Variants in CREBBP observed in about 807,000 individuals in gnomAD.
CREBBP encodes CREB-binding protein.
CREBBP carries 19 observed loss-of-function variants against 265.0 expected under a neutral mutation model. The observed-to-expected ratio is 0.07, with a 90% CI of 0.05 to 0.11. The LOEUF (loss-of-function observed/expected upper bound fraction) is 0.11, where lower values mean the gene tolerates loss of function less well. Ranked by LOEUF, CREBBP falls within the 10% of genes least tolerant of loss-of-function variation. CREBBP has a pLI of 1.00. For missense variants in CREBBP, 2,525 were observed against 3,219.0 expected, an observed-to-expected ratio of 0.78 and a Z score of 5.22; for synonymous variants, 1,457 against 1,223.7, an observed-to-expected ratio of 1.19 and a Z score of -3.98.
At chr16:3,878,377 A>G (rs2055446791) in intron 1 of CREBBP, among the ~76,000 whole-genome samples, 1 of 152,258 alleles carries the variant, frequency 6.6e-6, no homozygotes, top group Admixed American at 6.5e-5. Context: ...AGCTAAAAAG[A>G]AAAGCATTAG....
chr16:3,807,585 C>T (rs768061412), intron 3 of CREBBP, among the ~76,000 whole-genome samples: 1 of 152,088 alleles, frequency 6.6e-6, no homozygotes, highest in African/African-American at 2.4e-5. Context: ...GAAGCATTCC[C>T]GGCAGGCTCA....
chr16:3,763,185 G>A (rs1033194949), intron 16 of CREBBP, among the ~76,000 whole-genome samples: 9 of 128,690 alleles, frequency 7.0e-5, no homozygotes, highest in Non-Finnish European at 1.2e-4. Context: ...TTTTTTTTTT[G>A]AGACGAGGTC....
chr16:3,766,294 C>T (rs1050361136), intron 16 of CREBBP, among the ~76,000 whole-genome samples: 11 of 152,326 alleles, frequency 7.2e-5, no homozygotes, highest in African/African-American at 2.2e-4. Context: ...AGAATATCCA[C>T]AATCAGCTGA....
chr16:3,796,161 C>CA (rs1175064727), intron 3 of CREBBP, among the ~76,000 whole-genome samples: 1 of 152,124 alleles, frequency 6.6e-6, no homozygotes, highest in East Asian at 1.9e-4. Context: ...AAAAATTAGG[C>CA]AAAAAATTTA....
At chr16:3,800,182 A>G (rs2053684343) in intron 3 of CREBBP, among the ~76,000 whole-genome samples, 1 of 152,176 alleles carries the variant, frequency 6.6e-6, no homozygotes, top group Non-Finnish European at 1.5e-5. Context: ...GAAGTAGTGC[A>G]ATCATGGCTC....
chr16:3,801,992 T>C (rs142245581), intron 3 of CREBBP, among the ~76,000 whole-genome samples: 118 of 152,232 alleles, frequency 7.8e-4, no homozygotes, highest in Admixed American at 4.4e-3. Flanking sequence ...TTCACTCGGT[T>C]TAGCCACAGG....
At chr16:3,763,911 C>G (rs1487117063) in intron 16 of CREBBP, among the ~76,000 whole-genome samples, 2 of 142,422 alleles carry the variant, frequency 1.4e-5, no homozygotes, top group African/African-American at 5.3e-5. Context: ...GTGGCATAAT[C>G]TCGGCTCACT....
Position 3,758,583 on chromosome 16 carries a change from C to T in CREBBP, c.3369+271G>A, listed in dbSNP as rs3025692. On this transcript the variant is annotated intron_variant, in intron 17 of 30. Transcript: ENST00000262367. ...CACAAATTCTTTCAGACAAAAGTGA[C>T]ACAAGGCCCCAAATATAAAGTGAAG... Among the ~76,000 whole-genome samples the T allele has an allele frequency of 0.022, 3,335 of 152,262 alleles. 121 individuals carry two copies. Among genetic ancestry groups the T allele is most frequent in the African/African-American group, 0.075 (3,102 of 41,528 alleles).
intron 21 of CREBBP, among the ~76,000 whole-genome samples, chr16:3,748,743 T>C (rs576592322): frequency 3.7e-4 from 57 of 152,294 alleles, no homozygotes; most frequent in African/African-American, 6.7e-4. Flanking sequence ...GAACTTTACA[T>C]TGGGGACCTG....
chr16:3,833,912 T>C (rs906485514), intron 2 of CREBBP, among the ~76,000 whole-genome samples: 1 of 152,102 alleles, frequency 6.6e-6, no homozygotes, highest in African/African-American at 2.4e-5. Context: ...CAAAAATATA[T>C]AAAGAACTCT....
intron 3 of CREBBP, among the ~76,000 whole-genome samples, chr16:3,802,626 A>AT (rs1281341022): frequency 6.6e-6 from 1 of 152,098 alleles, no homozygotes; most frequent in Non-Finnish European, 1.5e-5. Context: ...AAAATAAGTC[A>AT]TTTTTTACTG....
intron 1 of CREBBP, among the ~76,000 whole-genome samples, chr16:3,876,535 G>A (rs1567383074): frequency 6.6e-6 from 1 of 150,876 alleles, no homozygotes; most frequent in Non-Finnish European, 1.5e-5. Flanking sequence ...ATTTTAACTT[G>A]GACATATTAA....
At chr16:3,734,954 C>T (rs535087181) in intron 28 of CREBBP, among the ~76,000 whole-genome samples, 8 of 152,324 alleles carry the variant, frequency 5.3e-5, no homozygotes, top group Middle Eastern at 6.8e-3. Flanking sequence ...CTCCATTCAC[C>T]GCTTTTCCTC....
Position 3,878,203 on chromosome 16 carries a change from C to T in CREBBP, c.85+1629G>A, listed in dbSNP as rs369021796. On this transcript the variant is annotated intron_variant, in intron 1 of 30. Transcript: ENST00000262367. ...ACAAGCTTCAAAGCTGAACTCGCCA[C>T]GTATGACCTACGTCTCACAGAACTG... 2.6e-4 allele frequency among the ~76,000 whole-genome samples: 39 copies of T among 152,348 alleles called. No individual in the cohort carries two copies. The South Asian group carries it at 5.8e-3, about 23-fold the overall frequency.
chr16:3,830,979 G>A (rs920764450), intron 2 of CREBBP, among the ~76,000 whole-genome samples: 1 of 152,156 alleles, frequency 6.6e-6, no homozygotes, highest in Admixed American at 6.5e-5. Context: ...AGTAGAGACA[G>A]GTTTCACCAC....
intron 2 of CREBBP, among the ~76,000 whole-genome samples, chr16:3,830,487 G>C (rs143281295): frequency 5.3e-5 from 8 of 152,028 alleles, no homozygotes; most frequent in African/African-American, 1.9e-4. Context: ...AGGAGATAAA[G>C]ACAAAGAATA....
At chr16:3,779,113 G>C (rs978862908) in intron 8 of CREBBP, among the ~76,000 whole-genome samples, 1 of 151,646 alleles carries the variant, frequency 6.6e-6, no homozygotes, top group Non-Finnish European at 1.5e-5. Flanking sequence ...GTTGCAGTGA[G>C]CTGAGATCGT....
chr16:3,815,452 C>T (rs1241269317), intron 2 of CREBBP, among the ~76,000 whole-genome samples: 1 of 150,888 alleles, frequency 6.6e-6, no homozygotes, highest in African/African-American at 2.4e-5. Flanking sequence ...ACTGCTTGAA[C>T]CCGGGAGGCA....
chr16:3,842,652 T>G (rs752981057), intron 2 of CREBBP, among the ~76,000 whole-genome samples: 8 of 152,098 alleles, frequency 5.3e-5, no homozygotes, highest in Non-Finnish European at 1.2e-4. Flanking sequence ...CTGTAAATAT[T>G]TTCAGAGTCA....
Sources: allele counts gnomAD v4.1 joint callset (sites outside exome capture counted in the v4.1 genomes callset), GRCh38; gene constraint gnomAD v4.1.1; transcripts MANE v1.5; gene names NCBI Gene and HGNC (gene_info 2026-07-23, HGNC 2026-07-21).